Variants in PKN2 observed in about 807,000 individuals in gnomAD.
The protein encoded by PKN2 is protein kinase N2, also known as serine/threonine-protein kinase N2.
In PKN2, 38 loss-of-function variants were observed where a neutral mutation model predicts 119.1. The ratio of observed to expected loss-of-function variants is 0.32; its 90% confidence interval spans 0.25 to 0.42. The LOEUF (loss-of-function observed/expected upper bound fraction) is 0.42. Ranked by LOEUF, PKN2 falls within the 10% of genes least tolerant of loss-of-function variation. The pLI is 1.00. For missense variants in PKN2, 850 were observed against 1,165.1 expected (o/e 0.73, Z 3.94); for synonymous variants, 390 against 384.9 (o/e 1.01, Z -0.15).
intron 18 of PKN2, among the ~76,000 whole-genome samples, 194 bp downstream of exon 18, chr1:88,824,580 T>A (rs1672423549): frequency 6.6e-6 from 1 of 152,206 alleles, no homozygotes; most frequent in Non-Finnish European, 1.5e-5. Context: ...TGAATACAAA[T>A]AAGGTTAGAT....
chr1:88,742,493 A>T (rs1414090017), intron 2 of PKN2, among the ~76,000 whole-genome samples: 1 of 152,174 alleles, frequency 6.6e-6, no homozygotes, highest in South Asian at 2.1e-4. Flanking sequence ...TAGGAAATCC[A>T]CCTTCTAATT....
rs1672890000 is a variant in PKN2, at chr1:88,835,107, C to T, written c.*1659C>T. On this transcript the variant is annotated 3_prime_UTR_variant, in exon 22 of 22. Transcript: ENST00000370521. ...TTGCTGGGATGTTTTAGCATCTTTT[C>T]ATTGTACTCTGAGAACAATTAAAAT... The T allele has an allele frequency of 6.6e-6, 1 of 152,154 alleles. No homozygotes were observed. Among genetic ancestry groups the T allele is most frequent in the South Asian group, 2.1e-4 (1 of 4,834 alleles). 9.4% of individuals were successfully genotyped at this position (152,154 alleles called of 1,614,324 possible).
At chr1:88,803,089 C>T (rs750841008) in intron 8 of PKN2, among the ~76,000 whole-genome samples, 70 of 152,168 alleles carry the variant, frequency 4.6e-4, no homozygotes, top group Non-Finnish European at 7.9e-4. Flanking sequence ...ATTATATTCT[C>T]CTCATACTTC....
Position 88,834,197 on chromosome 1 carries a change from C to G in PKN2, c.*749C>G, listed in dbSNP as rs1672849574. On this transcript the variant is annotated 3_prime_UTR_variant, in exon 22 of 22. Transcript: ENST00000370521. ...GATGTTAAGAATGAGGACTTTTAAT[C>G]AGCCGAACCAAGATATTGTTACCTG... The G allele has an allele frequency of 6.6e-6, 1 of 151,982 alleles. No individual in the cohort carries two copies. Among genetic ancestry groups the G allele is most frequent in the Non-Finnish European group, 1.5e-5 (1 of 67,964 alleles). 9.4% of individuals were successfully genotyped at this position (151,982 alleles called of 1,614,324 possible).
At position 88,816,130 on chromosome 1, in the gene PKN2, A is replaced by AC. The variant is rs201937715; in HGVS notation, c.2279+2404dup. On this transcript the variant is annotated intron_variant, in intron 16 of 21. Transcript: ENST00000370521. ...ACTCCACCCTGGGCGACAGAGTGAG[A>AC]CCCCCCCAAATTAAAAAAAAGAGAG... is the stretch of plus-strand genomic sequence containing the variant. Among the ~76,000 whole-genome samples, 831 of 115,518 alleles carry AC rather than the reference A, an allele frequency of 7.2e-3. 7 individuals carry two copies. The highest frequency in any genetic ancestry group is 0.022 in the African/African-American group (789 of 35,576). 75.8% of individuals were successfully genotyped at this position (115,518 alleles called of 152,430 possible).
Position 88,795,477 on chromosome 1 carries a change from A to C in PKN2, c.1282-8914A>C, listed in dbSNP as rs142951126. 3.9e-5 allele frequency among the ~76,000 whole-genome samples: 6 copies of C among 152,352 alleles called. No individual in the cohort carries two copies. In the East Asian group the frequency reaches 9.6e-4, roughly 24 times the overall value. On this transcript the variant is annotated intron_variant, in intron 8 of 21. Coordinates refer to ENST00000370521, the MANE Select transcript of PKN2 (RefSeq NM_006256.4). ...GATTCTTGAAAAATAAGTTGTGTTC[A>C]GAATCTGTTCTTCCTCACCCTCCCA...
intron 6 of PKN2, among the ~76,000 whole-genome samples, chr1:88,775,030 C>T (rs1185025643): frequency 6.6e-6 from 1 of 152,072 alleles, no homozygotes; most frequent in Non-Finnish European, 1.5e-5. Flanking sequence ...TTTTCTTATT[C>T]CCTTCTTGCT....
At position 88,716,429 on chromosome 1, in the gene PKN2, A is replaced by G. The variant is rs9661641; in HGVS notation, c.49-24559A>G. ...CCCATTATTATTGTGTGGGAGTCTA[A>G]GTCTCTTTGTAGGTCTCTAAGGACT... is the stretch of plus-strand genomic sequence containing the variant. On this transcript the variant is annotated intron_variant, in intron 1 of 21. Transcript: ENST00000370521. 5.0e-3 allele frequency among the ~76,000 whole-genome samples: 761 copies of G among 152,252 alleles called. 3 individuals are homozygous for G. Among genetic ancestry groups the G allele is most frequent in the African/African-American group, 0.017 (716 of 41,526 alleles).
intron 1 of PKN2, among the ~76,000 whole-genome samples, chr1:88,722,399 A>T (rs572277623): frequency 1.3e-5 from 2 of 152,138 alleles, no homozygotes; most frequent in Non-Finnish European, 2.9e-5. Context: ...CCCAATACAT[A>T]TGTTTTCTTT....
chr1:88,798,818 A>G (rs1005625368), intron 8 of PKN2, among the ~76,000 whole-genome samples: 8 of 152,214 alleles, frequency 5.3e-5, no homozygotes, highest in African/African-American at 9.6e-5. Flanking sequence ...ATTTGAGAAC[A>G]TAAGTTCCTA....
intron 6 of PKN2, among the ~76,000 whole-genome samples, chr1:88,779,645 A>C (rs1570618786): frequency 6.6e-6 from 1 of 152,276 alleles, no homozygotes; most frequent in South Asian, 2.1e-4. Flanking sequence ...TAATTTTCTT[A>C]TAAATATTAA....
chr1:88,821,254 A>G (rs890207841), intron 16 of PKN2, among the ~76,000 whole-genome samples: 2 of 152,194 alleles, frequency 1.3e-5, no homozygotes, highest in Non-Finnish European at 2.9e-5. Context: ...TGTTGCCACT[A>G]CAGTGGATGT....
At chr1:88,722,060 C>T (rs371560915) in intron 1 of PKN2, among the ~76,000 whole-genome samples, 5 of 152,182 alleles carry the variant, frequency 3.3e-5, no homozygotes, top group African/African-American at 1.2e-4. Flanking sequence ...TGATCAGATG[C>T]TCTAGAGTCA....
In PKN2 at chr1:88,805,468, G is replaced by C. The variant is rs1557623997; in HGVS notation, c.1502-29G>C. 4.6e-6 allele frequency: 7 copies of C among 1,522,860 alleles called. No homozygotes were observed. In the South Asian group the frequency reaches 8.7e-5, roughly 19 times the overall value. The allele number at this position is 1,522,860 out of a possible 1,614,324, so 94.3% of individuals were successfully genotyped here. On this transcript the variant is annotated intron_variant, in intron 10 of 21. Coordinates refer to ENST00000370521, the MANE Select transcript of PKN2 (RefSeq NM_006256.4). ...TTGGTTATACATAAAGAAATTACTT[G>C]CTGTTTTTGTTTTTTTCAACATCTA...
chr1:88,812,442 T>C (rs556240179), intron 15 of PKN2, among the ~76,000 whole-genome samples: 2 of 152,190 alleles, frequency 1.3e-5, no homozygotes, highest in South Asian at 4.1e-4. Flanking sequence ...CACCCATAAA[T>C]AAAAACTATG....
At position 88,770,588 on chromosome 1, in the gene PKN2, T is replaced by C. The variant is rs186236707; in HGVS notation, c.622+119T>C. The C allele has an allele frequency of 2.2e-4, 142 of 634,970 alleles. 2 individuals are homozygous for C. The highest frequency in any genetic ancestry group is 1.7e-3 in the South Asian group (80 of 45,844). 39.3% of individuals were successfully genotyped at this position (634,970 alleles called of 1,614,324 possible). ...AAGCATTACTATTACTTTTTTTTTTTTTTCTTTTTTTTTTTGAGACGGAGT... is the reference window on the plus strand; with the variant it reads ...AAGCATTACTATTACTTTTTTTTTTCTTTCTTTTTTTTTTTGAGACGGAGT... On this transcript the variant is annotated intron_variant, in intron 4 of 21. Coordinates refer to ENST00000370521, the MANE Select transcript of PKN2 (RefSeq NM_006256.4).
chr1:88,750,321 A>G (rs1668936959), intron 2 of PKN2, among the ~76,000 whole-genome samples: 1 of 152,212 alleles, frequency 6.6e-6, no homozygotes, highest in Non-Finnish European at 1.5e-5. Flanking sequence ...TTAAGTAGTC[A>G]GAAGTCCTCT....
At chr1:88,700,930 T>A (rs540967987) in intron 1 of PKN2, among the ~76,000 whole-genome samples, 1 of 152,316 alleles carries the variant, frequency 6.6e-6, no homozygotes, top group East Asian at 1.9e-4. Flanking sequence ...TTGGTATTTA[T>A]GAGGGAGCAG....
intron 19 of PKN2, among the ~76,000 whole-genome samples, chr1:88,830,912 A>G (rs1421943711): frequency 2.0e-5 from 3 of 152,134 alleles, no homozygotes; most frequent in African/African-American, 7.2e-5. Context: ...CTTTTTAACT[A>G]TGATGAAAGT....
Sources: gnomAD v4.1 joint callset for allele counts (sites outside exome capture counted in the v4.1 genomes callset) on GRCh38, gnomAD v4.1.1 for gene constraint, MANE v1.5 for transcripts, NCBI Gene and HGNC (gene_info 2026-07-23, HGNC 2026-07-21) for gene names.